The following CDH12 variants were observed in gnomAD, a reference collection of about 807,000 sequenced individuals.
CDH12 encodes the protein cadherin-12.
A neutral mutation model predicts 74.1 loss-of-function variants in CDH12; 41 were observed. That is an observed-to-expected ratio of 0.55 (90% confidence interval 0.43 to 0.72). CDH12 has a LOEUF of 0.72. CDH12 is among the 30% of genes least tolerant of loss of function. The pLI is 0.00. For synonymous variants in CDH12, 399 were observed against 355.0 expected (o/e 1.12, Z -1.39); for missense variants, 945 against 977.2 (o/e 0.97, Z 0.44).
intron 3 of CDH12, among the ~76,000 whole-genome samples, chr5:22,388,088 A>G (rs544760025): frequency 2.0e-4 from 30 of 152,266 alleles, no homozygotes; most frequent in Non-Finnish European, 3.8e-4. Context: ...CTTGTCCATT[A>G]CATTAAATAT....
At chr5:22,340,388 G>A (rs1230659520) in intron 3 of CDH12, among the ~76,000 whole-genome samples, 14 of 152,016 alleles carry the variant, frequency 9.2e-5, no homozygotes, top group African/African-American at 1.7e-4. Flanking sequence ...TTAGCCAGAC[G>A]TGGTGGCGGG....
chr5:22,474,773 G>T (rs1451391444), intron 2 of CDH12, among the ~76,000 whole-genome samples: 1 of 151,968 alleles, frequency 6.6e-6, no homozygotes, highest in Non-Finnish European at 1.5e-5. Flanking sequence ...TTCAATTTTT[G>T]TTTTGTTTAC....
chr5:22,491,680 C>T (rs1746878821), intron 2 of CDH12, among the ~76,000 whole-genome samples: 1 of 150,128 alleles, frequency 6.7e-6, no homozygotes, highest in Non-Finnish European at 1.5e-5. Flanking sequence ...AGAAAGTTTA[C>T]AAATTTGTGT....
chr5:21,830,381 C>T (rs1748948456), intron 8 of CDH12, among the ~76,000 whole-genome samples: 1 of 151,916 alleles, frequency 6.6e-6, no homozygotes, highest in Non-Finnish European at 1.5e-5. Context: ...TAAAAATAAA[C>T]ATCTTTACTG....
intron 5 of CDH12, among the ~76,000 whole-genome samples, chr5:22,006,246 T>G (rs1736952529): frequency 6.6e-6 from 1 of 152,058 alleles, no homozygotes; most frequent in African/African-American, 2.4e-5. Flanking sequence ...CCCAAACCCC[T>G]GGCCTCAAGC....
chr5:21,894,013 C>T (rs1753008323), intron 6 of CDH12, among the ~76,000 whole-genome samples: 1 of 152,122 alleles, frequency 6.6e-6, no homozygotes, highest in African/African-American at 2.4e-5. Flanking sequence ...GAGTTAGGTG[C>T]TAGTCCAAAG....
At chr5:22,283,464 T>A (rs1737007545) in intron 3 of CDH12, among the ~76,000 whole-genome samples, 1 of 151,796 alleles carries the variant, frequency 6.6e-6, no homozygotes, top group Non-Finnish European at 1.5e-5. Context: ...TATATTCAGT[T>A]GCAACAACAT....
At chr5:21,850,898 G>A (rs78049199) in intron 7 of CDH12, among the ~76,000 whole-genome samples, 1,993 of 151,202 alleles carry the variant, frequency 0.013, 41 homozygotes, top group African/African-American at 0.045. Flanking sequence ...TATAAAGGAC[G>A]TATTTTTCAC....
chr5:22,707,038 G>T (rs1008354942), intron 1 of CDH12, among the ~76,000 whole-genome samples: 5 of 152,156 alleles, frequency 3.3e-5, no homozygotes, highest in African/African-American at 9.6e-5. Context: ...CTTCAGCAGG[G>T]TCCCATTTGA....
chr5:21,837,326 T>A (rs966889232), intron 8 of CDH12, among the ~76,000 whole-genome samples: 2 of 152,104 alleles, frequency 1.3e-5, no homozygotes, highest in Non-Finnish European at 2.9e-5. Flanking sequence ...CAAATGCCTA[T>A]GCCATTTACA....
At chr5:22,505,654 T>C (rs1736354316) in intron 1 of CDH12, among the ~76,000 whole-genome samples, 1 of 152,084 alleles carries the variant, frequency 6.6e-6, no homozygotes, top group Non-Finnish European at 1.5e-5. Context: ...CATTATTGAG[T>C]TCACTAGTTT....
intron 6 of CDH12, among the ~76,000 whole-genome samples, chr5:21,970,447 T>C (rs1276434757): frequency 6.6e-6 from 1 of 152,114 alleles, no homozygotes; most frequent in Non-Finnish European, 1.5e-5. Flanking sequence ...GTGTGGAGAC[T>C]TATATATGTT....
At chr5:22,295,150 C>T (rs1218227484) in intron 3 of CDH12, among the ~76,000 whole-genome samples, 1 of 152,244 alleles carries the variant, frequency 6.6e-6, no homozygotes, top group East Asian at 1.9e-4. Context: ...ACTGCCTCTT[C>T]CCTATTGCAA....
intron 1 of CDH12, among the ~76,000 whole-genome samples, chr5:22,834,686 T>A (rs1736748702): frequency 6.6e-6 from 1 of 152,148 alleles, no homozygotes; most frequent in Admixed American, 6.5e-5. Flanking sequence ...TACTTAGAAA[T>A]GTACTTACAA....
chr5:21,973,057 A>T, intron 6 of CDH12, among the ~76,000 whole-genome samples: 1 of 150,312 alleles, frequency 6.7e-6, no homozygotes, highest in South Asian at 2.1e-4. Context: ...TAAAAAAAAA[A>T]AAAAAAAAAT....
intron 1 of CDH12, among the ~76,000 whole-genome samples, chr5:22,813,862 T>C (rs1581026741): frequency 6.6e-6 from 1 of 152,146 alleles, no homozygotes; most frequent in East Asian, 1.9e-4. Context: ...AATATCTTGA[T>C]TGCAGCTTTC....
chr5:22,476,531 T>C (rs1746179003), intron 2 of CDH12, among the ~76,000 whole-genome samples: 1 of 152,144 alleles, frequency 6.6e-6, no homozygotes, highest in Non-Finnish European at 1.5e-5. Flanking sequence ...TAATGAAATT[T>C]CTATGAAATC....
chr5:21,846,620 C>A (rs1370920915), intron 7 of CDH12, among the ~76,000 whole-genome samples: 1 of 151,858 alleles, frequency 6.6e-6, no homozygotes, highest in African/African-American at 2.4e-5. Context: ...AGATTTTATT[C>A]TCATTTTTTT....
At position 22,750,280 on chromosome 5, in the gene CDH12, C is replaced by G. The variant is rs576349943; in HGVS notation, c.-523+102778G>C. Among the ~76,000 whole-genome samples, 8 of 152,172 alleles carry G rather than the reference C, an allele frequency of 5.3e-5. No individual in the cohort carries two copies. The East Asian group carries it at 1.4e-3, about 26-fold the overall frequency. Reference sequence around the variant, plus strand: ...TAAAAAGGAAAACTGGGTTCGCATGCTGTAGAGCCTTGAATATCATGTTGA... The same window carrying G: ...TAAAAAGGAAAACTGGGTTCGCATGGTGTAGAGCCTTGAATATCATGTTGA... On this transcript the variant is annotated intron_variant, in intron 1 of 14. Transcript: ENST00000382254.
Sources: allele counts gnomAD v4.1 joint callset (sites outside exome capture counted in the v4.1 genomes callset), GRCh38; gene constraint gnomAD v4.1.1; transcripts MANE v1.5; gene names NCBI Gene and HGNC (gene_info 2026-07-23, HGNC 2026-07-21).